PDGFD: variants seen among roughly 807,000 people sequenced by gnomAD.
PDGFD encodes the protein platelet-derived growth factor D.
In PDGFD, 30 loss-of-function variants were observed where a neutral mutation model predicts 44.7. The ratio of observed to expected loss-of-function variants is 0.67; its 90% CI spans 0.50 to 0.91. PDGFD has a LOEUF of 0.91. PDGFD is among the 40% of genes least tolerant of loss of function. PDGFD has a pLI of 0.00. For missense variants in PDGFD, 445 were observed against 457.8 expected (o/e 0.97, Z 0.25); for synonymous variants, 173 against 168.4 (o/e 1.03, Z -0.21).
intron 5 of PDGFD, among the ~76,000 whole-genome samples, chr11:103,936,595 T>C (rs1858491216): frequency 1.3e-5 from 2 of 152,186 alleles, no homozygotes; most frequent in Non-Finnish European, 2.9e-5. Context: ...TGTAAATAAT[T>C]TGCAAATTAG....
At chr11:104,079,000 C>T (rs1359519713) in intron 1 of PDGFD, among the ~76,000 whole-genome samples, 1 of 152,130 alleles carries the variant, frequency 6.6e-6, no homozygotes, top group African/African-American at 2.4e-5. Flanking sequence ...ATCTTAAGGT[C>T]TACTGTGAAT....
At chr11:104,085,638 A>C (rs1328736474) in intron 1 of PDGFD, among the ~76,000 whole-genome samples, 1 of 152,246 alleles carries the variant, frequency 6.6e-6, no homozygotes, top group Admixed American at 6.5e-5. Flanking sequence ...TAGAAATAAC[A>C]TAATTTTATG....
rs527343837 is a variant in PDGFD at position 104,130,238 on chromosome 11, C to A, written c.124+33566G>T. On this transcript the variant is annotated intron_variant, in intron 1 of 6. Coordinates refer to ENST00000393158, the MANE Select transcript of PDGFD (RefSeq NM_025208.5). ...ATTCTAAGGTCATTTGTAATCCCCCCCTTTTCTCTACCAAAACTTCAAGTG... is the reference window on the plus strand; with the variant it reads ...ATTCTAAGGTCATTTGTAATCCCCCACTTTTCTCTACCAAAACTTCAAGTG... Among the ~76,000 whole-genome samples the A allele has an allele frequency of 1.2e-4, 19 of 152,186 alleles. No individual in the cohort carries two copies. The East Asian group carries it at 2.3e-3, about 19-fold the overall frequency.
intron 1 of PDGFD, among the ~76,000 whole-genome samples, chr11:104,029,193 A>C (rs1422206333): frequency 6.6e-6 from 1 of 152,216 alleles, no homozygotes; most frequent in Admixed American, 6.5e-5. Flanking sequence ...CCATTTAAAA[A>C]ATAAAATAGA....
intron 1 of PDGFD, among the ~76,000 whole-genome samples, chr11:104,044,020 C>T (rs142004928): frequency 3.3e-4 from 50 of 152,226 alleles, no homozygotes; most frequent in East Asian, 2.7e-3. Flanking sequence ...ACACAATAGG[C>T]GAACAACCAG....
At chr11:103,929,466 G>A (rs572822277) in intron 5 of PDGFD, among the ~76,000 whole-genome samples, 2 of 152,236 alleles carry the variant, frequency 1.3e-5, no homozygotes, top group African/African-American at 4.8e-5. Flanking sequence ...CACAAACCAG[G>A]AGAAGGCATG....
chr11:103,947,914 T>G (rs930936109), intron 3 of PDGFD, among the ~76,000 whole-genome samples, 190 bp from the exon 4 acceptor site: 1 of 152,154 alleles, frequency 6.6e-6, no homozygotes, highest in African/African-American at 2.4e-5. Flanking sequence ...ATTTAAGACA[T>G]GGACATTTTC....
intron 1 of PDGFD, among the ~76,000 whole-genome samples, chr11:104,023,615 C>T (rs1859996378): frequency 6.6e-6 from 1 of 152,082 alleles, no homozygotes; most frequent in Non-Finnish European, 1.5e-5. Flanking sequence ...ATCATGTAAA[C>T]ACAATCTACT....
chr11:103,991,288 T>G (rs1210798829), intron 3 of PDGFD, among the ~76,000 whole-genome samples: 1 of 152,146 alleles, frequency 6.6e-6, no homozygotes, highest in Non-Finnish European at 1.5e-5. Context: ...AATCTTATCT[T>G]TTTCAACCCC....
intron 1 of PDGFD, among the ~76,000 whole-genome samples, chr11:104,073,457 G>C (rs954948312): frequency 6.6e-6 from 1 of 152,144 alleles, no homozygotes; most frequent in African/African-American, 2.4e-5. Flanking sequence ...TTCTAGGACA[G>C]AAATGACAAT....
At chr11:104,144,538 A>AAAAAAAAAAAAACC (rs1565347744) in intron 1 of PDGFD, among the ~76,000 whole-genome samples, 4 of 134,216 alleles carry the variant, frequency 3.0e-5, no homozygotes, top group African/African-American at 1.2e-4. Flanking sequence ...ACCCAACAAA[A>AAAAAAAAAAAAACC]CAAAACAAAC....
rs1591101517 is a variant in PDGFD at position 103,972,547 on chromosome 11, C to T, written c.510+23518G>A. ...GCCAGTCACTATCCTGGCTTCGTGA[C>T]ATTACAGAGTAAGATTTTGAAGCTC... On this transcript the variant is annotated intron_variant, in intron 3 of 6. Coordinates refer to ENST00000393158, the MANE Select transcript of PDGFD (RefSeq NM_025208.5). 2.0e-5 allele frequency among the ~76,000 whole-genome samples: 3 copies of T among 152,250 alleles called. No homozygotes were observed. In the East Asian group the frequency reaches 5.8e-4, roughly 29 times the overall value.
At chr11:103,921,059 C>A (rs1392007400) in intron 6 of PDGFD, among the ~76,000 whole-genome samples, 1 of 152,096 alleles carries the variant, frequency 6.6e-6, no homozygotes, top group Non-Finnish European at 1.5e-5. Context: ...TCCTCAGTTG[C>A]CCCTCCATGT....
intron 1 of PDGFD, among the ~76,000 whole-genome samples, chr11:104,056,826 T>C (rs144272686): frequency 2.8e-4 from 43 of 152,266 alleles, no homozygotes; most frequent in African/African-American, 9.6e-4. Flanking sequence ...AATGTAAACA[T>C]TTCCAATATC....
intron 1 of PDGFD, among the ~76,000 whole-genome samples, chr11:104,056,169 T>G (rs1860614159): frequency 6.6e-6 from 1 of 152,200 alleles, no homozygotes; most frequent in African/African-American, 2.4e-5. Context: ...GTATGTCAGA[T>G]TATCTATAAA....
chr11:104,071,120 T>C (rs1304148206), intron 1 of PDGFD, among the ~76,000 whole-genome samples: 2 of 152,000 alleles, frequency 1.3e-5, no homozygotes, highest in Non-Finnish European at 2.9e-5. Flanking sequence ...ATATGAGATC[T>C]ACCCACTTAC....
At chr11:104,056,347 T>C (rs1303380363) in intron 1 of PDGFD, among the ~76,000 whole-genome samples, 1 of 152,194 alleles carries the variant, frequency 6.6e-6, no homozygotes, top group African/African-American at 2.4e-5. Context: ...CGGTCAAGTC[T>C]TAACCCCGAT....
intron 1 of PDGFD, among the ~76,000 whole-genome samples, chr11:104,157,414 T>C (rs950993847): frequency 1.6e-4 from 25 of 152,174 alleles, no homozygotes; most frequent in South Asian, 4.1e-4. Flanking sequence ...CGTCTCTGTC[T>C]AAATTACACC....
intron 3 of PDGFD, among the ~76,000 whole-genome samples, chr11:103,964,605 CT>C (rs1243174471): frequency 6.6e-6 from 1 of 152,060 alleles, no homozygotes; most frequent in Non-Finnish European, 1.5e-5. Context: ...GAACACTGCC[CT>C]ACCTACCCTG....
Sources: allele counts gnomAD v4.1 joint callset (sites outside exome capture counted in the v4.1 genomes callset), GRCh38; gene constraint gnomAD v4.1.1; transcripts MANE v1.5; gene names NCBI Gene and HGNC (gene_info 2026-07-23, HGNC 2026-07-21).